The following FMNL1 variants were observed in gnomAD, a reference collection of about 807,000 sequenced individuals.
The protein encoded by FMNL1 is formin like 1, also known as formin-like protein 1.
FMNL1 carries 43 observed loss-of-function variants against 121.3 expected under a neutral mutation model. The observed-to-expected ratio is 0.35, with a 90% CI of 0.28 to 0.46. The LOEUF (loss-of-function observed/expected upper bound fraction) is 0.46, where lower values mean the gene tolerates loss of function less well. Ranked by LOEUF, FMNL1 falls within the 20% of genes least tolerant of loss-of-function variation. The pLI, the probability that FMNL1 is intolerant of heterozygous loss-of-function variation, is 1.00. For missense variants in FMNL1, 1,191 were observed against 1,482.4 expected, an observed-to-expected ratio of 0.80 and a Z score of 3.23; for synonymous variants, 613 against 613.5, an observed-to-expected ratio of 1.00 and a Z score of 0.01.
rs1461273044 is a variant in FMNL1 at position 45,247,011 on chromosome 17, G to A, written c.*153G>A. ...GTGGATTCTGCAGGGGTGTGGGGCC[G>A]TGGACAGGCTGAGGCTCAAGGAAGG... On this transcript the variant is annotated 3_prime_UTR_variant, in exon 27 of 27. Coordinates refer to ENST00000331495, the MANE Select transcript of FMNL1 (RefSeq NM_005892.4). 9 of 686,188 alleles carry A rather than the reference G, an allele frequency of 1.3e-5. No homozygotes were observed. Among genetic ancestry groups the A allele is most frequent in the Non-Finnish European group, 2.1e-5 (8 of 373,006 alleles). The allele number at this position is 686,188 out of a possible 1,614,324, so 42.5% of individuals were successfully genotyped here.
rs1451842144 is a variant in FMNL1 at position 45,243,215 on chromosome 17, C to G, written c.2108C>G (p.Ala703Gly). The G allele has an allele frequency of 6.2e-7, 1 of 1,614,088 alleles. No individual in the cohort carries two copies. The highest frequency in any genetic ancestry group is 1.3e-5 in the African/African-American group (1 of 74,952). The change falls in exon 17 of 27, where the codon GCC becomes GGC. Residue 703 changes from alanine to glycine, a missense_variant. Physicochemically the swap from Ala to Gly is moderately conservative, Grantham distance 60. Transcript: ENST00000331495. ...CTCAAGAGTAAGGCAGCCCAGAAGG[C>G]CCCCAGCAAGGCGACACTCATTGAG... is the stretch of plus-strand genomic sequence containing the variant. ...SALKSKAAQK[A>G]PSKATLIEAN...
intron 1 of FMNL1, among the ~76,000 whole-genome samples, chr17:45,227,807 C>T (rs774020490): frequency 2.6e-5 from 4 of 152,136 alleles, no homozygotes; most frequent in Non-Finnish European, 4.4e-5. Flanking sequence ...TGTGAGGCTC[C>T]GGTGAGGGAG....
chr17:45,233,434 G>C lies in FMNL1; in HGVS notation c.401+137G>C. ...TGGACCACCTCCTGGAGGTGTCCAGGACAGCTTCCCCTCCCCTTCCTGCCC... is the reference window on the plus strand; with the variant it reads ...TGGACCACCTCCTGGAGGTGTCCAGCACAGCTTCCCCTCCCCTTCCTGCCC... On this transcript the variant is annotated intron_variant, in intron 4 of 26. Transcript: ENST00000331495. This position sits in a 1 kb window ranked among gnomAD's most constrained non-coding sequence, Gnocchi z 4.1. 1 of 1,044,860 alleles carries C rather than the reference G, an allele frequency of 9.6e-7. No individual in the cohort carries two copies. Among genetic ancestry groups the C allele is most frequent in the African/African-American group, 1.6e-5 (1 of 62,492 alleles). 64.7% of individuals were successfully genotyped at this position (1,044,860 alleles called of 1,614,324 possible).
intron 1 of FMNL1, among the ~76,000 whole-genome samples, chr17:45,229,602 G>C (rs1309788064): frequency 2.6e-5 from 4 of 152,214 alleles, no homozygotes; most frequent in African/African-American, 9.7e-5. Flanking sequence ...TCAATAACCT[G>C]GGGTTTACTA....
Position 45,241,002 on chromosome 17 carries a change from G to A in FMNL1, c.1231-127G>A. 8.3e-7 allele frequency: 1 copy of A among 1,208,686 alleles called. No individual in the cohort carries two copies. The highest frequency in any genetic ancestry group is 1.2e-6 in the Non-Finnish European group (1 of 846,282). 74.9% of individuals were successfully genotyped at this position (1,208,686 alleles called of 1,614,324 possible). A position where few individuals can be genotyped will look rare whatever the true frequency, so the allele number is the denominator to read the frequency against. ...GAGTGCCAGGCTCGGCCCACCCTTGGCACCTGGGCTGAGCGGATCTGGGAG... is the reference window on the plus strand; with the variant it reads ...GAGTGCCAGGCTCGGCCCACCCTTGACACCTGGGCTGAGCGGATCTGGGAG... On this transcript the variant is annotated intron_variant, in intron 12 of 26. Transcript: ENST00000331495. This position sits in a 1 kb window ranked among gnomAD's most constrained non-coding sequence, Gnocchi z 7.0.
Position 45,242,063 on chromosome 17 carries a change from T to TGCCTCCGCC in FMNL1, c.1806_1814dup (p.Pro610_Pro612dup). ...CCACCTCCGGGCACTGACGGGCCGG[T>TGCCTCCGCC]GCCTCCGCCGCCGCCGCCGCCGCCG... On this transcript the variant is annotated inframe_insertion, in exon 15 of 27. Coordinates refer to ENST00000331495, the MANE Select transcript of FMNL1 (RefSeq NM_005892.4). The TGCCTCCGCC allele has an allele frequency of 1.4e-6, 2 of 1,414,322 alleles. No homozygotes were observed. Among genetic ancestry groups the TGCCTCCGCC allele is most frequent in the Non-Finnish European group, 1.8e-6 (2 of 1,081,632 alleles). 87.6% of individuals were successfully genotyped at this position (1,414,322 alleles called of 1,614,324 possible).
rs1275514181 is a variant in FMNL1, at chr17:45,242,064, G to GCCT, written c.1806_1808dup (p.Pro612dup). On this transcript the variant is annotated inframe_insertion, in exon 15 of 27. Transcript: ENST00000331495. ...CACCTCCGGGCACTGACGGGCCGGT[G>GCCT]CCTCCGCCGCCGCCGCCGCCGCCGC... The GCCT allele has an allele frequency of 6.7e-7, 1 of 1,481,922 alleles. No homozygotes were observed. Among genetic ancestry groups the GCCT allele is most frequent in the Non-Finnish European group, 8.9e-7 (1 of 1,124,720 alleles). The allele number at this position is 1,481,922 out of a possible 1,614,324, so 91.8% of individuals were successfully genotyped here. A position where few individuals can be genotyped will look rare whatever the true frequency, so the allele number is the denominator to read the frequency against.
At position 45,241,987 on chromosome 17, in the gene FMNL1, C is replaced by T. The variant is rs950236257; in HGVS notation, c.1726C>T (p.Pro576Ser). ...TCTCCCTGGCAGCCCGGAGCCCCCG[C>T]CTGCGCCGCCGCTGCCCGGAGACCT... ...PPLPGSPEPP[P>S]APPLPGDLPP... The change falls in exon 15 of 27, where the codon CCT becomes TCT. Residue 576 changes from proline to serine, a missense_variant. By Grantham distance (74) the Pro-to-Ser change is moderately conservative. Around this residue, in one of 4 missense-constraint regions of FMNL1, gnomAD observed 519 missense variants for 492.8 expected, o/e 1.05. Coordinates refer to ENST00000331495, the MANE Select transcript of FMNL1 (RefSeq NM_005892.4). This position sits in a 1 kb window ranked among gnomAD's most constrained non-coding sequence, Gnocchi z 7.0. 7.7e-7 allele frequency: 1 copy of T among 1,300,920 alleles called. No homozygotes were observed. Among genetic ancestry groups the T allele is most frequent in the Admixed American group, 3.8e-5 (1 of 26,262 alleles). The allele number at this position is 1,300,920 out of a possible 1,614,324, so 80.6% of individuals were successfully genotyped here.
At chr17:45,232,785 T>G in intron 3 of FMNL1, 1 of 580,680 alleles carries the variant, frequency 1.7e-6, no homozygotes, top group Non-Finnish European at 3.2e-6. Context: ...TGTGTGTACT[T>G]TGTCCACTTA....
Position 45,245,643 on chromosome 17 carries a change from G to C in FMNL1, c.2904G>C (p.Glu968Asp), listed in dbSNP as rs1258560359. Residue 968 changes from glutamate (E) to aspartate (D), a missense_variant, in exon 23 of 27, where the codon GAG becomes GAC. Around this residue, in one of 4 missense-constraint regions of FMNL1, gnomAD observed 367 missense variants for 528.6 expected, o/e 0.69. Transcript: ENST00000331495. ...GGCTGTGCCCACAGGAGGCCTTTGA[G>C]TCTGTGGTGGAGTACTTCGGAGAGA... The part of the protein sequence containing the change: ...ADSKTAQEAF[E>D]SVVEYFGENP... 2 of 1,613,974 alleles carry C rather than the reference G, an allele frequency of 1.2e-6. No individual in the cohort carries two copies. Among genetic ancestry groups the C allele is most frequent in the Admixed American group, 3.3e-5 (2 of 59,990 alleles).
intron 10 of FMNL1, 96 bp downstream of exon 10, chr17:45,238,734 C>T (rs1840380195): frequency 2.0e-6 from 3 of 1,481,956 alleles, no homozygotes; most frequent in African/African-American, 2.8e-5. Flanking sequence ...GGGCTCTGCC[C>T]CCGCAAAGCG....
chr17:45,227,264 G>A (rs1009290295), intron 1 of FMNL1, among the ~76,000 whole-genome samples: 10 of 152,268 alleles, frequency 6.6e-5, no homozygotes, highest in Middle Eastern at 3.4e-3. Context: ...AAACCCTAGG[G>A]TGTGGCTGTG....
chr17:45,222,193 G>A lies in FMNL1; in HGVS notation c.69G>A (p.Ala23=). Reference sequence around the variant, plus strand: ...CCGCGCCGCCCCCCAAGCAGCCCGCGCCTCCCAAGCAGCCGATGCCCGCGG... The same window carrying A: ...CCGCGCCGCCCCCCAAGCAGCCCGCACCTCCCAAGCAGCCGATGCCCGCGG... ...GPAAPPPKQP[A]PPKQPMPAAG... The change falls in exon 1 of 27, where the codon GCG becomes GCA. Residue 23 remains alanine, a synonymous_variant. Transcript: ENST00000331495. The A allele has an allele frequency of 1.6e-6, 2 of 1,245,142 alleles. No homozygotes were observed. The highest frequency in any genetic ancestry group is 2.0e-6 in the Non-Finnish European group (2 of 989,944). The allele number at this position is 1,245,142 out of a possible 1,614,324, so 77.1% of individuals were successfully genotyped here.
At chr17:45,246,777 T>G (rs1319183633) in intron 26 of FMNL1, 90 bp from the exon 27 acceptor site, 1 of 718,860 alleles carries the variant, frequency 1.4e-6, no homozygotes, top group African/African-American at 1.8e-5. Context: ...ACAATCTGAG[T>G]CCTTAGGAGG....
Position 45,222,196 on chromosome 17 carries a change from T to C in FMNL1, c.72T>C (p.Pro24=). 8.1e-7 allele frequency: 1 copy of C among 1,237,238 alleles called. No homozygotes were observed. 76.6% of individuals were successfully genotyped at this position (1,237,238 alleles called of 1,614,324 possible). A position where few individuals can be genotyped will look rare whatever the true frequency, so the allele number is the denominator to read the frequency against. ...CGCCGCCCCCCAAGCAGCCCGCGCC[T>C]CCCAAGCAGCCGATGCCCGCGGCCG... The part of the protein sequence containing the change: ...PAAPPPKQPA[P]PKQPMPAAGE... Residue 24 remains proline, a synonymous_variant, in exon 1 of 27, where the codon CCT becomes CCC. Coordinates refer to ENST00000331495, the MANE Select transcript of FMNL1 (RefSeq NM_005892.4).
At chr17:45,222,752 A>G (rs1000422934) in intron 1 of FMNL1, among the ~76,000 whole-genome samples, 5 of 151,848 alleles carry the variant, frequency 3.3e-5, no homozygotes, top group African/African-American at 1.2e-4. Context: ...GATCATGGCC[A>G]GGAGGTATCT....
intron 17 of FMNL1, 38 bp from the exon 18 acceptor site, chr17:45,243,753 T>C (rs1383564443): frequency 1.5e-5 from 24 of 1,583,640 alleles, no homozygotes; most frequent in Non-Finnish European, 2.1e-5. Flanking sequence ...CTGGTGGGTA[T>C]GGATGATGCC....
At chr17:45,242,986 G>C in intron 16 of FMNL1, 132 bp from the exon 17 acceptor site, 2 of 974,276 alleles carry the variant, frequency 2.1e-6, no homozygotes, top group Non-Finnish European at 3.1e-6. Flanking sequence ...AGGGCCTGTG[G>C]TCAGGCTGGG....
rs755856437 is a variant in FMNL1, at chr17:45,236,129, C to G, written c.615-7C>G. 6.2e-7 allele frequency: 1 copy of G among 1,609,178 alleles called. No individual in the cohort carries two copies. Among genetic ancestry groups the G allele is most frequent in the African/African-American group, 1.3e-5 (1 of 74,912 alleles). On this transcript the variant is annotated splice_region_variant and splice_polypyrimidine_tract_variant and intron_variant, in intron 6 of 26. Coordinates refer to ENST00000331495, the MANE Select transcript of FMNL1 (RefSeq NM_005892.4). ...GACTCCTGCTGCCTCCTCCACACCC[C>G]GCCCAGGCTGACCCCAGCCCACAGC...
Sources: allele counts gnomAD v4.1 joint callset (sites outside exome capture counted in the v4.1 genomes callset), GRCh38; gene constraint gnomAD v4.1.1; regional missense constraint gnomAD v4.1.1; non-coding constraint Gnocchi (gnomAD v3.1); transcripts MANE v1.5; gene names NCBI Gene and HGNC (gene_info 2026-07-23, HGNC 2026-07-21).